The following CHRM3 variants were observed in gnomAD, a reference collection of about 807,000 sequenced individuals.
CHRM3 encodes cholinergic receptor muscarinic 3.
A neutral mutation model predicts 41.8 loss-of-function variants in CHRM3; 11 were observed. The ratio of observed to expected loss-of-function variants is 0.26; its 90% CI spans 0.17 to 0.44. The LOEUF is 0.44. CHRM3 is among the 20% of genes least tolerant of loss of function. The pLI is 1.00. For synonymous variants in CHRM3, 297 were observed against 301.4 expected (o/e 0.99, Z 0.15); for missense variants, 571 against 745.4 (o/e 0.77, Z 2.72).
intron 5 of CHRM3, among the ~76,000 whole-genome samples, chr1:239,731,899 A>G (rs993653078): frequency 6.6e-6 from 1 of 152,018 alleles, no homozygotes; most frequent in African/African-American, 2.4e-5. Context: ...CTTGCATTTT[A>G]TATTTTTAAA....
At chr1:239,557,799 T>C (rs540703901) in intron 3 of CHRM3, among the ~76,000 whole-genome samples, 2 of 152,280 alleles carry the variant, frequency 1.3e-5, no homozygotes, top group East Asian at 3.9e-4. Context: ...ATCATGTCCC[T>C]GCAAAGGACA....
At chr1:239,479,920 T>C (rs138041712) in intron 1 of CHRM3, among the ~76,000 whole-genome samples, 1 of 152,294 alleles carries the variant, frequency 6.6e-6, no homozygotes, top group East Asian at 1.9e-4. Flanking sequence ...AAACATTGTC[T>C]ACATAGGCTA....
intron 3 of CHRM3, among the ~76,000 whole-genome samples, chr1:239,591,534 G>A (rs1186526956): frequency 1.3e-5 from 2 of 151,830 alleles, no homozygotes; most frequent in East Asian, 1.9e-4. Flanking sequence ...TGCTTAGGAA[G>A]TGTTATTTCT....
intron 4 of CHRM3, among the ~76,000 whole-genome samples, chr1:239,644,475 ATT>A (rs1371159195): frequency 6.6e-6 from 1 of 152,150 alleles, no homozygotes; most frequent in Non-Finnish European, 1.5e-5. Flanking sequence ...TCACAAATGT[ATT>A]TGAGTTCCAG....
At chr1:239,659,319 G>T (rs1342872474) in intron 4 of CHRM3, among the ~76,000 whole-genome samples, 1 of 152,082 alleles carries the variant, frequency 6.6e-6, no homozygotes, top group Non-Finnish European at 1.5e-5. Flanking sequence ...TAACAGCAGT[G>T]TCTCCCTCTT....
At chr1:239,886,012 A>C (rs1476106761) in intron 6 of CHRM3, 1 of 152,230 alleles carries the variant, frequency 6.6e-6, no homozygotes, top group Non-Finnish European at 1.5e-5. Flanking sequence ...CTAAATGATC[A>C]ACCACATTCT....
chr1:239,582,685 C>T (rs541959567), intron 3 of CHRM3, among the ~76,000 whole-genome samples: 3 of 152,142 alleles, frequency 2.0e-5, no homozygotes, highest in Non-Finnish European at 2.9e-5. Flanking sequence ...ATACCATCCT[C>T]ATCCATGGCA....
intron 3 of CHRM3, 104 bp downstream of exon 3, chr1:239,545,853 G>A (rs965548826): frequency 6.6e-6 from 1 of 152,076 alleles, no homozygotes; most frequent in Non-Finnish European, 1.5e-5. Context: ...ATGTATTAGT[G>A]TCGCCGGTAT....
chr1:239,768,262 G>A (rs1278449802), intron 5 of CHRM3, among the ~76,000 whole-genome samples: 3 of 152,084 alleles, frequency 2.0e-5, no homozygotes, highest in Non-Finnish European at 2.9e-5. Flanking sequence ...TAGGATTAGC[G>A]TTCACTTCAG....
Position 239,618,273 on chromosome 1 carries a change from C to CTTTTTTTTTT in CHRM3, c.-312-13948_-312-13947insTTTTTTTTTT, listed in dbSNP as rs11413091. On this transcript the variant is annotated intron_variant, in intron 3 of 6. Coordinates refer to ENST00000676153, the MANE Select transcript of CHRM3 (RefSeq NM_001375978.1). ...TAGAGAGTAGGAGTACTTTTTTTTT[C>CTTTTTTTTTT]TTTCTTTTTTTTTTTTTTTTTTAAT... 2.3e-4 allele frequency among the ~76,000 whole-genome samples: 26 copies of CTTTTTTTTTT among 113,030 alleles called. 2 individuals are homozygous for CTTTTTTTTTT. The highest frequency in any genetic ancestry group is 2.9e-4 in the Non-Finnish European group (17 of 58,288). 74.2% of individuals were successfully genotyped at this position (113,030 alleles called of 152,430 possible).
intron 5 of CHRM3, among the ~76,000 whole-genome samples, chr1:239,678,698 A>C (rs56854517): frequency 0.036 from 5,488 of 152,220 alleles, 227 homozygotes; most frequent in East Asian, 0.11. Context: ...TCCCCAAATT[A>C]GTCCAGGCTT....
intron 3 of CHRM3, among the ~76,000 whole-genome samples, chr1:239,606,366 C>G (rs1201951256): frequency 1.3e-5 from 2 of 151,968 alleles, no homozygotes; most frequent in Admixed American, 1.3e-4. Flanking sequence ...ACCTCCGCCT[C>G]CTGGGTTCAT....
At chr1:239,459,124 G>C (rs1665171757) in intron 1 of CHRM3, among the ~76,000 whole-genome samples, 2 of 152,126 alleles carry the variant, frequency 1.3e-5, no homozygotes. Context: ...AGGGGATTTT[G>C]TAACACAGAC....
intron 5 of CHRM3, among the ~76,000 whole-genome samples, chr1:239,686,907 T>C (rs1158284402): frequency 6.6e-6 from 1 of 152,190 alleles, no homozygotes; most frequent in Non-Finnish European, 1.5e-5. Context: ...AAATGTAATA[T>C]ACCTGCTTTC....
At chr1:239,721,491 A>G (rs960817855) in intron 5 of CHRM3, among the ~76,000 whole-genome samples, 2 of 151,970 alleles carry the variant, frequency 1.3e-5, no homozygotes, top group Admixed American at 6.6e-5. Context: ...AGAAGTATGT[A>G]TCTCATGCAT....
chr1:239,485,894 T>C (rs905934292), intron 1 of CHRM3, among the ~76,000 whole-genome samples: 2 of 152,340 alleles, frequency 1.3e-5, no homozygotes, highest in Admixed American at 1.3e-4. Flanking sequence ...TCAAATTCTT[T>C]AGTATTGGTA....
At chr1:239,797,609 G>A (rs145864186) in intron 5 of CHRM3, among the ~76,000 whole-genome samples, 9 of 152,212 alleles carry the variant, frequency 5.9e-5, no homozygotes, top group Admixed American at 3.9e-4. Context: ...GTTCCCCATC[G>A]GGTCTATTTC....
chr1:239,542,479 G>C (rs1434502125), intron 2 of CHRM3, among the ~76,000 whole-genome samples: 1 of 152,138 alleles, frequency 6.6e-6, no homozygotes, highest in Non-Finnish European at 1.5e-5. Flanking sequence ...AGAGGATGGA[G>C]AGAAAGCAAG....
At chr1:239,683,306 C>T (rs977040060) in intron 5 of CHRM3, among the ~76,000 whole-genome samples, 4 of 151,956 alleles carry the variant, frequency 2.6e-5, no homozygotes, top group Non-Finnish European at 4.4e-5. Context: ...AGTGACTTAA[C>T]CAATGAACTA....
Sources: allele counts gnomAD v4.1 joint callset (sites outside exome capture counted in the v4.1 genomes callset), GRCh38; gene constraint gnomAD v4.1.1; transcripts MANE v1.5; gene names NCBI Gene and HGNC (gene_info 2026-07-23, HGNC 2026-07-21).